MYOCD: variants seen among roughly 807,000 people sequenced by gnomAD.
MYOCD encodes myocardin.
In MYOCD, 32 loss-of-function variants were observed where a neutral mutation model predicts 96.1. The ratio of observed to expected loss-of-function variants is 0.33; its 90% confidence interval spans 0.25 to 0.45. The LOEUF (loss-of-function observed/expected upper bound fraction) is 0.45. MYOCD is among the 20% of genes least tolerant of loss of function. MYOCD has a pLI of 1.00. For missense variants in MYOCD, 1,133 were observed against 1,200.6 expected (o/e 0.94, Z 0.83); for synonymous variants, 469 against 469.0 (o/e 1.00, Z 0.00).
chr17:12,727,734 C>G (rs1438432369), intron 5 of MYOCD, among the ~76,000 whole-genome samples: 1 of 152,194 alleles, frequency 6.6e-6, no homozygotes, highest in Non-Finnish European at 1.5e-5. Flanking sequence ...CCTCTCCCAA[C>G]ACAGGGAAGG....
intron 5 of MYOCD, among the ~76,000 whole-genome samples, chr17:12,729,358 G>A (rs941258728): frequency 1.2e-4 from 18 of 151,980 alleles, no homozygotes; most frequent in East Asian, 3.9e-4. Flanking sequence ...AAGGGTGAGC[G>A]CTGAGAGAGA....
In MYOCD at chr17:12,730,208, G is replaced by A. The variant is rs576098592; in HGVS notation, c.416-5953G>A. Among the ~76,000 whole-genome samples, 5 of 152,198 alleles carry A rather than the reference G, an allele frequency of 3.3e-5. No individual in the cohort carries two copies. The East Asian group carries it at 5.8e-4, about 18-fold the overall frequency. ...CATGCCTGCAATCCCAGCACTTTGG[G>A]AGGCTGAGCGGTGGTGGATCACCTG... On this transcript the variant is annotated intron_variant, in intron 5 of 13. Coordinates refer to ENST00000425538, the MANE Select transcript of MYOCD (RefSeq NM_001146312.3).
intron 8 of MYOCD, 151 bp downstream of exon 8, chr17:12,744,587 C>A: frequency 1.8e-6 from 2 of 1,140,548 alleles, no homozygotes; most frequent in Non-Finnish European, 2.4e-6. Flanking sequence ...AATTTAGAAA[C>A]TATGCACACC....
chr17:12,703,035 G>C (rs1396591080), intron 1 of MYOCD, among the ~76,000 whole-genome samples: 1 of 151,788 alleles, frequency 6.6e-6, no homozygotes, highest in East Asian at 1.9e-4. Flanking sequence ...ATTTACTTAA[G>C]CATTTCTTGT....
chr17:12,701,868 A>G (rs1362380930), intron 1 of MYOCD, among the ~76,000 whole-genome samples: 1 of 152,106 alleles, frequency 6.6e-6, no homozygotes, highest in Non-Finnish European at 1.5e-5. Flanking sequence ...TGTTAATAGT[A>G]TATTGCTTTT....
At chr17:12,689,183 G>A (rs543885103) in intron 1 of MYOCD, among the ~76,000 whole-genome samples, 1 of 152,176 alleles carries the variant, frequency 6.6e-6, no homozygotes, top group South Asian at 2.1e-4. Flanking sequence ...TTAATCAGAT[G>A]AAACTTTTCC....
intron 2 of MYOCD, 115 bp downstream of exon 2, chr17:12,705,308 C>A: frequency 1.5e-6 from 1 of 677,494 alleles, no homozygotes; most frequent in Admixed American, 2.8e-5. Context: ...CGAAGATCTT[C>A]AAAGCATTGG....
chr17:12,756,339 A>G, intron 10 of MYOCD, 75 bp from the exon 11 acceptor site: 1 of 1,500,102 alleles, frequency 6.7e-7, no homozygotes, highest in Non-Finnish European at 9.1e-7. Context: ...CAGGGCAGGA[A>G]CCAGAATTGT....
intron 4 of MYOCD, among the ~76,000 whole-genome samples, chr17:12,722,084 G>C (rs1360333858): frequency 6.6e-6 from 1 of 152,176 alleles, no homozygotes; most frequent in Non-Finnish European, 1.5e-5. Flanking sequence ...TCACTTTCTA[G>C]ATTTATGAAG....
intron 1 of MYOCD, among the ~76,000 whole-genome samples, chr17:12,692,308 GAAAA>G (rs1320687963): frequency 2.6e-5 from 4 of 152,312 alleles, no homozygotes; most frequent in African/African-American, 9.6e-5. Context: ...CTGCCATCCA[GAAAA>G]TAGGTGGGCT....
chr17:12,728,246 G>A (rs2032059536), intron 5 of MYOCD, among the ~76,000 whole-genome samples: 1 of 152,102 alleles, frequency 6.6e-6, no homozygotes, highest in African/African-American at 2.4e-5. Flanking sequence ...TCTCTCGCTG[G>A]TCATCAGAGC....
At chr17:12,689,502 A>G (rs2030335673) in intron 1 of MYOCD, among the ~76,000 whole-genome samples, 1 of 152,234 alleles carries the variant, frequency 6.6e-6, no homozygotes. Flanking sequence ...TCTAAAATCC[A>G]TTTGATATAG....
chr17:12,748,544 A>G (rs1250915981), intron 9 of MYOCD, among the ~76,000 whole-genome samples: 1 of 152,220 alleles, frequency 6.6e-6, no homozygotes, highest in Non-Finnish European at 1.5e-5. Flanking sequence ...TTAAAAAGTT[A>G]TTAGTGATGA....
At chr17:12,755,924 T>G (rs752040790) in intron 10 of MYOCD, among the ~76,000 whole-genome samples, 23 of 152,108 alleles carry the variant, frequency 1.5e-4, no homozygotes, top group Non-Finnish European at 2.9e-4. Flanking sequence ...TAACAATGAC[T>G]GATCTATGCT....
intron 1 of MYOCD, among the ~76,000 whole-genome samples, chr17:12,702,941 A>C (rs1397074066): frequency 1.3e-5 from 2 of 152,000 alleles, no homozygotes; most frequent in East Asian, 3.8e-4. Flanking sequence ...AATATTTATT[A>C]ATAGAGTTGC....
rs1198079168 is a variant in MYOCD at position 12,740,341 on chromosome 17, A to G, written c.717+1013A>G. On this transcript the variant is annotated intron_variant, in intron 7 of 13. Transcript: ENST00000425538. The stretch of plus-strand genomic sequence containing the variant: ...TCACCCCACTCCCAATCTTCCCCCA[A>G]TCCCCAAATTCCATTACATAATTCT... 3.3e-5 allele frequency among the ~76,000 whole-genome samples: 5 copies of G among 152,130 alleles called. No individual in the cohort carries two copies. In the East Asian group the frequency reaches 7.7e-4, roughly 24 times the overall value.
At chr17:12,753,493 G>T in intron 10 of MYOCD, 147 bp downstream of exon 10, 1 of 756,360 alleles carries the variant, frequency 1.3e-6, no homozygotes, top group Non-Finnish European at 2.0e-6. Context: ...TACAATCCTT[G>T]AATCCTCATG....
Position 12,716,985 on chromosome 17 carries a change from C to CAAA in MYOCD, c.178-328_178-326dup, listed in dbSNP as rs56992216. Among the ~76,000 whole-genome samples, 45 of 112,916 alleles carry CAAA rather than the reference C, an allele frequency of 4.0e-4. 1 individual carries two copies. Among genetic ancestry groups the CAAA allele is most frequent in the East Asian group, 7.7e-4 (3 of 3,910 alleles). The allele number at this position is 112,916 out of a possible 152,430, so 74.1% of individuals were successfully genotyped here. ...AGCCTGGATGACAGAGATGCTGTCT[C>CAAA]AAAAAAAAAAAAAAAAAAAAAAAAA... is the stretch of plus-strand genomic sequence containing the variant. On this transcript the variant is annotated intron_variant, in intron 3 of 13. Transcript: ENST00000425538.
chr17:12,749,331 C>T (rs992364448), intron 9 of MYOCD, among the ~76,000 whole-genome samples: 1 of 151,912 alleles, frequency 6.6e-6, no homozygotes, highest in East Asian at 1.9e-4. Flanking sequence ...TGTTCAAAAC[C>T]AGCATGGCCA....
Sources: allele counts gnomAD v4.1 joint callset (sites outside exome capture counted in the v4.1 genomes callset), GRCh38; gene constraint gnomAD v4.1.1; transcripts MANE v1.5; gene names NCBI Gene and HGNC (gene_info 2026-07-23, HGNC 2026-07-21).